LRRTM4: variants seen among roughly 807,000 people sequenced by gnomAD.
LRRTM4 encodes leucine rich repeat transmembrane neuronal 4.
LRRTM4 carries 25 observed loss-of-function variants against 47.6 expected under a neutral mutation model. The observed-to-expected ratio is 0.53, with a 90% CI of 0.38 to 0.73. LRRTM4 has a LOEUF of 0.73. Ranked by LOEUF, LRRTM4 falls within the 30% of genes least tolerant of loss-of-function variation. The probability of loss-of-function intolerance (pLI) is 0.00; values close to 1 mark genes in which losing one functional copy is unlikely to be tolerated. For missense variants in LRRTM4, 638 were observed against 713.4 expected (o/e 0.89, Z 1.20); for synonymous variants, 311 against 269.5 (o/e 1.15, Z -1.51).
At chr2:77,008,420 G>C (rs1486117689) in intron 3 of LRRTM4, among the ~76,000 whole-genome samples, 1 of 152,064 alleles carries the variant, frequency 6.6e-6, no homozygotes, top group East Asian at 1.9e-4. Context: ...TCTTCAACAT[G>C]TTTAAAATAA....
intron 3 of LRRTM4, among the ~76,000 whole-genome samples, chr2:77,239,339 A>G (rs1215723287): frequency 6.6e-6 from 1 of 152,004 alleles, no homozygotes; most frequent in African/African-American, 2.4e-5. Flanking sequence ...ATAGAAATAT[A>G]CTTCATCATT....
chr2:76,992,883 G>T (rs1403332710), intron 3 of LRRTM4, among the ~76,000 whole-genome samples: 2 of 147,444 alleles, frequency 1.4e-5, no homozygotes, highest in Non-Finnish European at 3.0e-5. Flanking sequence ...ATACTATAAG[G>T]CTTAAGTAAC....
At chr2:77,256,872 A>T (rs76475778) in intron 3 of LRRTM4, among the ~76,000 whole-genome samples, 2,815 of 152,184 alleles carry the variant, frequency 0.018, 91 homozygotes, top group African/African-American at 0.064. Context: ...GGAGGGAACC[A>T]AACAGTGTTC....
At chr2:77,286,416 TTTAA>T (rs1479863033) in intron 3 of LRRTM4, among the ~76,000 whole-genome samples, 4 of 151,948 alleles carry the variant, frequency 2.6e-5, no homozygotes, top group Non-Finnish European at 5.9e-5. Context: ...AATCATACTC[TTTAA>T]TTAAAAATAG....
chr2:77,090,928 A>G (rs59440405), intron 3 of LRRTM4, among the ~76,000 whole-genome samples: 65,316 of 144,886 alleles, frequency 0.45, 17,060 homozygotes, highest in African/African-American at 0.73. Flanking sequence ...AGGTAAGCCC[A>G]TCCCCTTCTT....
chr2:76,838,744 A>G (rs1197224754), intron 3 of LRRTM4, among the ~76,000 whole-genome samples: 1 of 152,046 alleles, frequency 6.6e-6, no homozygotes, highest in Admixed American at 6.6e-5. Context: ...TTTGGATGAA[A>G]TGATGCTCTC....
At chr2:76,948,581 T>C (rs548047026) in intron 3 of LRRTM4, among the ~76,000 whole-genome samples, 4 of 151,966 alleles carry the variant, frequency 2.6e-5, no homozygotes, top group South Asian at 2.1e-4. Flanking sequence ...AGGTGTTATA[T>C]GGTAACTTAA....
intron 3 of LRRTM4, among the ~76,000 whole-genome samples, chr2:76,997,921 T>G (rs62171964): frequency 6.6e-6 from 1 of 151,424 alleles, no homozygotes; most frequent in Non-Finnish European, 1.5e-5. Context: ...GGGATCTAGG[T>G]TGCACACTCC....
intron 3 of LRRTM4, among the ~76,000 whole-genome samples, chr2:76,817,908 G>T (rs1366274003): frequency 6.6e-6 from 1 of 151,922 alleles, no homozygotes; most frequent in Non-Finnish European, 1.5e-5. Context: ...GAGGAATTGT[G>T]TTATTTAGCA....
chr2:76,900,103 C>G (rs1003304402), intron 3 of LRRTM4, among the ~76,000 whole-genome samples: 4 of 152,030 alleles, frequency 2.6e-5, no homozygotes, highest in African/African-American at 9.7e-5. Flanking sequence ...ATGGATGGCT[C>G]ATGCCTCTAG....
intron 3 of LRRTM4, among the ~76,000 whole-genome samples, chr2:77,107,908 T>G (rs1208671371): frequency 6.6e-6 from 1 of 151,468 alleles, no homozygotes; most frequent in Non-Finnish European, 1.5e-5. Context: ...GAAAATAACT[T>G]GCCATTATAA....
intron 3 of LRRTM4, among the ~76,000 whole-genome samples, chr2:77,234,571 A>G (rs1219340698): frequency 3.9e-5 from 6 of 152,202 alleles, no homozygotes; most frequent in African/African-American, 1.2e-4. Flanking sequence ...GTTATTTTAT[A>G]TAATTGCTCA....
At chr2:76,920,338 T>C (rs1401329910) in intron 3 of LRRTM4, among the ~76,000 whole-genome samples, 1 of 152,176 alleles carries the variant, frequency 6.6e-6, no homozygotes, top group Admixed American at 6.6e-5. Context: ...TTCCAGTAGT[T>C]CCTTCTGTAA....
chr2:77,122,438 T>C (rs1180404968), intron 3 of LRRTM4, among the ~76,000 whole-genome samples: 1 of 150,564 alleles, frequency 6.6e-6, no homozygotes, highest in Non-Finnish European at 1.5e-5. Context: ...TGTGTATAGA[T>C]ATACATATTA....
intron 3 of LRRTM4, among the ~76,000 whole-genome samples, chr2:76,814,593 G>T (rs1333107757): frequency 6.6e-6 from 1 of 152,052 alleles, no homozygotes; most frequent in Non-Finnish European, 1.5e-5. Context: ...AATTCATGTT[G>T]TATTAGGTAT....
chr2:77,209,316 G>A (rs1176164354), intron 3 of LRRTM4, among the ~76,000 whole-genome samples: 3 of 151,908 alleles, frequency 2.0e-5, no homozygotes, highest in African/African-American at 2.4e-5. Flanking sequence ...CTGGGCATCA[G>A]AATTTGGGGA....
intron 3 of LRRTM4, among the ~76,000 whole-genome samples, chr2:77,454,670 G>C (rs994183019): frequency 1.3e-5 from 2 of 151,754 alleles, no homozygotes; most frequent in African/African-American, 2.4e-5. Flanking sequence ...GAAATAAAAG[G>C]GTTTTTAAAT....
intron 3 of LRRTM4, among the ~76,000 whole-genome samples, chr2:77,181,948 T>C (rs1482027757): frequency 6.6e-6 from 1 of 152,048 alleles, no homozygotes; most frequent in African/African-American, 2.4e-5. Flanking sequence ...TGTGGAGAAA[T>C]AGGAATGCTT....
intron 3 of LRRTM4, among the ~76,000 whole-genome samples, chr2:77,419,341 A>G (rs983588819): frequency 2.0e-5 from 3 of 152,190 alleles, no homozygotes; most frequent in African/African-American, 4.8e-5. Flanking sequence ...GTCCCTCGGT[A>G]TCTATGGGGG....
Sources: gnomAD v4.1 joint callset for allele counts (sites outside exome capture counted in the v4.1 genomes callset) on GRCh38, gnomAD v4.1.1 for gene constraint, MANE v1.5 for transcripts, NCBI Gene and HGNC (gene_info 2026-07-23, HGNC 2026-07-21) for gene names.